PLPPR5: variants seen among roughly 807,000 people sequenced by gnomAD.
The protein encoded by PLPPR5 is phospholipid phosphatase-related protein type 5.
Under a neutral mutation model 33.9 loss-of-function variants are expected in PLPPR5, and 16 were observed. That is an observed-to-expected ratio of 0.47 (90% CI 0.32 to 0.72). The LOEUF (loss-of-function observed/expected upper bound fraction) is 0.72. Among genes scored for constraint, PLPPR5 ranks in the 30% least tolerant of loss-of-function variants. The pLI, the probability that PLPPR5 is intolerant of heterozygous loss-of-function variation, is 0.03. For missense variants in PLPPR5, 301 were observed against 406.7 expected (o/e 0.74, Z 2.23); for synonymous variants, 163 against 150.3 (o/e 1.08, Z -0.62).
chr1:98,958,410 T>C (rs1651100039), intron 1 of PLPPR5, among the ~76,000 whole-genome samples: 1 of 152,044 alleles, frequency 6.6e-6, no homozygotes, highest in South Asian at 2.1e-4. Flanking sequence ...TTTTTAACTA[T>C]ACTTTTTTTT....
chr1:98,914,686 A>G, intron 5 of PLPPR5, 100 bp downstream of exon 5: 1 of 1,073,862 alleles, frequency 9.3e-7, no homozygotes. Context: ...TACACTAAGT[A>G]AATCAACATA....
intron 1 of PLPPR5, among the ~76,000 whole-genome samples, chr1:98,995,494 G>A (rs1047416544): frequency 6.6e-6 from 1 of 152,114 alleles, no homozygotes; most frequent in African/African-American, 2.4e-5. Flanking sequence ...CAAGCTATGT[G>A]GGTTAACTAA....
chr1:98,901,488 A>G (rs1648692210), intron 5 of PLPPR5, among the ~76,000 whole-genome samples: 1 of 152,224 alleles, frequency 6.6e-6, no homozygotes, highest in Admixed American at 6.6e-5. Context: ...TAGGCCCACC[A>G]GACATAACAT....
chr1:98,911,753 CT>C (rs755690184), intron 5 of PLPPR5, among the ~76,000 whole-genome samples: 110 of 144,718 alleles, frequency 7.6e-4, no homozygotes, highest in Admixed American at 1.0e-3. Context: ...TTTCACAACC[CT>C]TTTTTTTTTT....
At chr1:98,938,922 C>T (rs1428229785) in intron 3 of PLPPR5, among the ~76,000 whole-genome samples, 1 of 152,000 alleles carries the variant, frequency 6.6e-6, no homozygotes, top group Non-Finnish European at 1.5e-5. Context: ...ACAAGTGGGA[C>T]CTAAGTGATG....
chr1:98,957,223 T>A (rs112534683), intron 1 of PLPPR5, among the ~76,000 whole-genome samples: 39,029 of 146,792 alleles, frequency 0.27, 5,655 homozygotes, highest in East Asian at 0.49. Context: ...CATTGGGAGA[T>A]ATACCTAATG....
chr1:98,976,731 A>G (rs997692163), intron 1 of PLPPR5, among the ~76,000 whole-genome samples: 1 of 152,102 alleles, frequency 6.6e-6, no homozygotes, highest in Non-Finnish European at 1.5e-5. Flanking sequence ...TAACTTATTA[A>G]TAAGTGTGTA....
intron 1 of PLPPR5, among the ~76,000 whole-genome samples, chr1:98,957,813 T>C (rs2101222121): frequency 6.6e-6 from 1 of 152,290 alleles, no homozygotes; most frequent in East Asian, 1.9e-4. Context: ...CACAAGTGAG[T>C]TGCCCAAGAA....
rs1553168505 is a variant in PLPPR5, at chr1:98,939,292, AGG to A, written c.621+13776_621+13777del. ...TACTGAAAATAATTTTTCCATATAG[AGG>A]AAGGGATGCTAAAAGTGATTTGCTT... On this transcript the variant is annotated intron_variant, in intron 3 of 5. Transcript: ENST00000263177. 1.3e-3 allele frequency among the ~76,000 whole-genome samples: 199 copies of A among 150,530 alleles called. 3 individuals carry two copies. Among genetic ancestry groups the A allele is most frequent in the Admixed American group, 2.0e-3 (30 of 15,052 alleles).
At chr1:98,953,003 G>T (rs1650843979) in intron 3 of PLPPR5, 67 bp downstream of exon 3, 6 of 1,569,696 alleles carry the variant, frequency 3.8e-6, no homozygotes, top group Admixed American at 3.5e-5. Flanking sequence ...CAGAGAAAAA[G>T]AATTTCTACA....
chr1:98,914,683 A>C, intron 5 of PLPPR5, 103 bp downstream of exon 5: 2 of 1,053,232 alleles, frequency 1.9e-6, no homozygotes, highest in Non-Finnish European at 2.7e-6. Flanking sequence ...CATTACACTA[A>C]GTAAATCAAC....
intron 1 of PLPPR5, among the ~76,000 whole-genome samples, chr1:98,991,862 A>G (rs1244709534): frequency 6.6e-6 from 1 of 152,148 alleles, no homozygotes; most frequent in African/African-American, 2.4e-5. Flanking sequence ...GAGGCCCAAA[A>G]AAAAGGACTA....
chr1:98,957,263 C>T (rs1369334934), intron 1 of PLPPR5, among the ~76,000 whole-genome samples: 3 of 151,478 alleles, frequency 2.0e-5, no homozygotes, highest in Non-Finnish European at 4.4e-5. Flanking sequence ...GAGCAGCGCA[C>T]CAGCATGGCA....
chr1:98,932,856 T>C (rs1241106919), intron 3 of PLPPR5, among the ~76,000 whole-genome samples: 2 of 152,166 alleles, frequency 1.3e-5, no homozygotes, highest in African/African-American at 4.8e-5. Context: ...CTTATCCTCA[T>C]TGAGTCTCCT....
At chr1:98,977,367 C>T (rs1199423095) in intron 1 of PLPPR5, among the ~76,000 whole-genome samples, 1 of 151,770 alleles carries the variant, frequency 6.6e-6, no homozygotes, top group Non-Finnish European at 1.5e-5. Flanking sequence ...TCTGTAATAA[C>T]TAAAACAAAC....
At chr1:98,910,755 G>A (rs1465791650) in intron 5 of PLPPR5, among the ~76,000 whole-genome samples, 6 of 151,992 alleles carry the variant, frequency 3.9e-5, no homozygotes, top group African/African-American at 1.5e-4. Context: ...CACCCACACT[G>A]GGACCATTTA....
chr1:98,957,159 G>C (rs890768357), intron 1 of PLPPR5, among the ~76,000 whole-genome samples: 2 of 148,984 alleles, frequency 1.3e-5, no homozygotes, highest in African/African-American at 5.0e-5. Context: ...ACACAGGAAG[G>C]GGAACATCAC....
chr1:98,938,565 A>C (rs189433170), intron 3 of PLPPR5, among the ~76,000 whole-genome samples: 1 of 148,964 alleles, frequency 6.7e-6, no homozygotes, highest in Non-Finnish European at 1.5e-5. Flanking sequence ...TATTTAAATT[A>C]CTTATTATAT....
rs141738717 is a variant in PLPPR5 at position 98,978,983 on chromosome 1, T to G, written c.238-22242A>C. Among the ~76,000 whole-genome samples, 20 of 152,104 alleles carry G rather than the reference T, an allele frequency of 1.3e-4. No individual in the cohort carries two copies. In the East Asian group the frequency reaches 3.7e-3, roughly 28 times the overall value. On this transcript the variant is annotated intron_variant, in intron 1 of 5. Transcript: ENST00000263177. Reference sequence around the variant, plus strand: ...CCTGTCATTGAGTTGCTAAAACGCATGTTCTCAGAGAAGGCTTCTCTATAT... The same window carrying G: ...CCTGTCATTGAGTTGCTAAAACGCAGGTTCTCAGAGAAGGCTTCTCTATAT...
Sources: allele counts gnomAD v4.1 joint callset (sites outside exome capture counted in the v4.1 genomes callset), GRCh38; gene constraint gnomAD v4.1.1; transcripts MANE v1.5; gene names NCBI Gene and HGNC (gene_info 2026-07-23, HGNC 2026-07-21).